PHACTR2: variants seen among roughly 807,000 people sequenced by gnomAD.
The protein encoded by PHACTR2 is phosphatase and actin regulator 2.
A neutral mutation model predicts 76.0 loss-of-function variants in PHACTR2; 30 were observed. The observed-to-expected ratio is 0.39, with a 90% CI of 0.30 to 0.54. The LOEUF is 0.54. Ranked by LOEUF, PHACTR2 falls within the 20% of genes least tolerant of loss-of-function variation. The pLI is 0.61. For missense variants in PHACTR2, 696 were observed against 781.1 expected (o/e 0.89, Z 1.30); for synonymous variants, 292 against 292.5 (o/e 1.00, Z 0.02).
intron 1 of PHACTR2, among the ~76,000 whole-genome samples, chr6:143,540,042 A>T (rs1222408149): frequency 3.9e-5 from 6 of 152,094 alleles, no homozygotes; most frequent in African/African-American, 1.4e-4. Flanking sequence ...ATGTCTTGTG[A>T]TACCGTGATA....
At chr6:143,693,962 A>G (rs1043665770) in intron 1 of PHACTR2, among the ~76,000 whole-genome samples, 4 of 152,124 alleles carry the variant, frequency 2.6e-5, no homozygotes, top group Admixed American at 6.5e-5. Flanking sequence ...CCAGATACCC[A>G]AGAGTCCAAG....
intron 4 of PHACTR2, among the ~76,000 whole-genome samples, chr6:143,756,290 T>A (rs1286975729): frequency 6.6e-6 from 1 of 152,122 alleles, no homozygotes; most frequent in African/African-American, 2.4e-5. Flanking sequence ...GATTCTGCAG[T>A]TGGTACAGTG....
At position 143,755,470 on chromosome 6, in the gene PHACTR2, A is replaced by G; in HGVS notation, c.454+1558A>G. 1 of 402,582 alleles carries G rather than the reference A, an allele frequency of 2.5e-6. No individual in the cohort carries two copies. The highest frequency in any genetic ancestry group is 4.9e-6 in the Non-Finnish European group (1 of 202,100). The allele number at this position is 402,582 out of a possible 1,614,324, so 24.9% of individuals were successfully genotyped here. A position where few individuals can be genotyped will look rare whatever the true frequency, so the allele number is the denominator to read the frequency against. On this transcript the variant is annotated intron_variant, in intron 4 of 12. Coordinates refer to ENST00000440869, the MANE Select transcript of PHACTR2 (RefSeq NM_001100164.2). This position sits in a 1 kb window ranked among gnomAD's most constrained non-coding sequence, Gnocchi z 5.2. The stretch of plus-strand genomic sequence containing the variant: ...AAGGAAGTGTTTCCCTTATCAACAT[A>G]ATAAAAAGTTCCTGACAGTTTTATA...
rs9403511 is a variant in PHACTR2 at position 143,571,634 on chromosome 6, T to C, written c.217+34427T>C. 4.6e-5 allele frequency among the ~76,000 whole-genome samples: 7 copies of C among 151,942 alleles called. No homozygotes were observed. Among genetic ancestry groups the C allele is most frequent in the African/African-American group, 1.4e-4 (6 of 41,396 alleles). On this transcript the variant is annotated intron_variant, in intron 1 of 11. Transcript: ENST00000367584. The surrounding 1 kb of genome is among the most constrained non-coding windows in gnomAD (Gnocchi z 4.6). ...TTGCTATGTTTCCCAGGCCGGTCAA[T>C]CATCACTCATTTTGTTGCCCACATT...
intron 11 of PHACTR2, among the ~76,000 whole-genome samples, chr6:143,798,582 T>TAATTTATTGGG (rs1355300997): frequency 1.3e-5 from 2 of 151,540 alleles, no homozygotes; most frequent in African/African-American, 4.8e-5. Context: ...CATCGATACC[T>TAATTTATTGGG]AGTTTAGCAT....
rs1480587240 is a variant in PHACTR2, at chr6:143,826,581, T to A, written c.*2892T>A. On this transcript the variant is annotated 3_prime_UTR_variant, in exon 13 of 13. Transcript: ENST00000440869. ...AGATGTAGAAACCAAAGTGACCATT[T>A]TAGTTTTTTTATTGGAGAATAAAAC... 7.7e-6 allele frequency: 1 copy of A among 130,140 alleles called. No homozygotes were observed. The highest frequency in any genetic ancestry group is 3.4e-5 in the African/African-American group (1 of 29,530). The allele number at this position is 130,140 out of a possible 1,614,324, so 8.1% of individuals were successfully genotyped here.
chr6:143,741,257 A>T (rs935200629), intron 2 of PHACTR2, among the ~76,000 whole-genome samples: 16 of 151,516 alleles, frequency 1.1e-4, no homozygotes, highest in African/African-American at 3.9e-4. Context: ...CACGCCTTTA[A>T]TCCCAGCTAC....
rs1201545133 is a variant in PHACTR2 at position 143,765,930 on chromosome 6, A to G, written c.1232+132A>G. 1.3e-6 allele frequency: 1 copy of G among 747,402 alleles called. No homozygotes were observed. The highest frequency in any genetic ancestry group is 2.1e-6 in the Non-Finnish European group (1 of 469,282). 46.3% of individuals were successfully genotyped at this position (747,402 alleles called of 1,614,324 possible). ...TGAGTGTTAGGTAGGCATACATGTG[A>G]TCCAACCATTGCTTTGTCAGAGCCC... is the stretch of plus-strand genomic sequence containing the variant. On this transcript the variant is annotated intron_variant, in intron 6 of 12. Transcript: ENST00000440869. The surrounding 1 kb of genome is among the most constrained non-coding windows in gnomAD (Gnocchi z 4.1).
intron 1 of PHACTR2, among the ~76,000 whole-genome samples, chr6:143,685,176 A>G (rs1777486477): frequency 6.6e-6 from 1 of 151,964 alleles, no homozygotes; most frequent in African/African-American, 2.4e-5. Flanking sequence ...TTCCTCTGCT[A>G]TTTTTCTCAT....
rs1470990107 is a variant in PHACTR2, at chr6:143,688,760, A to G, written c.46+10551A>G. 8.5e-5 allele frequency among the ~76,000 whole-genome samples: 13 copies of G among 152,198 alleles called. No individual in the cohort carries two copies. The highest frequency in any genetic ancestry group is 7.9e-4 in the Admixed American group (12 of 15,280). On this transcript the variant is annotated intron_variant, in intron 1 of 12. Coordinates refer to ENST00000440869, the MANE Select transcript of PHACTR2 (RefSeq NM_001100164.2). This position sits in a 1 kb window ranked among gnomAD's most constrained non-coding sequence, Gnocchi z 5.2. ...TCCAAGCTCTGGGGCCATCCATTAC[A>G]TGGACAACTGCAGTAGATTCCAGCT...
rs1365935239 is a variant in PHACTR2, at chr6:143,742,885, AC to A, written c.215-6099del. Among the ~76,000 whole-genome samples the A allele has an allele frequency of 1.3e-5, 2 of 152,240 alleles. No homozygotes were observed. The highest frequency in any genetic ancestry group is 4.8e-5 in the African/African-American group (2 of 41,464). The stretch of plus-strand genomic sequence containing the variant: ...ATACACATGAATTTAGTAATGAACA[AC>A]TTAGTAAGTGCTATAACAGAAATAA... On this transcript the variant is annotated intron_variant, in intron 2 of 12. Coordinates refer to ENST00000440869, the MANE Select transcript of PHACTR2 (RefSeq NM_001100164.2). This position sits in a 1 kb window ranked among gnomAD's most constrained non-coding sequence, Gnocchi z 4.5.
Position 143,755,356 on chromosome 6 carries a change from T to A in PHACTR2, c.454+1444T>A, listed in dbSNP as rs1779275270. 2.2e-6 allele frequency: 1 copy of A among 455,952 alleles called. No individual in the cohort carries two copies. The highest frequency in any genetic ancestry group is 2.0e-5 in the African/African-American group (1 of 50,074). The allele number at this position is 455,952 out of a possible 1,614,324, so 28.2% of individuals were successfully genotyped here. On this transcript the variant is annotated intron_variant, in intron 4 of 12. Coordinates refer to ENST00000440869, the MANE Select transcript of PHACTR2 (RefSeq NM_001100164.2). The surrounding 1 kb of genome is among the most constrained non-coding windows in gnomAD (Gnocchi z 5.2). Reference sequence around the variant, plus strand: ...GTTTGTCCCTGGCAGCCTTCTCACATCCAAGAATCGCATCCTGCATTACGT... The same window carrying A: ...GTTTGTCCCTGGCAGCCTTCTCACAACCAAGAATCGCATCCTGCATTACGT...
intron 1 of PHACTR2, among the ~76,000 whole-genome samples, chr6:143,569,065 C>T (rs947585930): frequency 2.0e-5 from 3 of 152,198 alleles, no homozygotes; most frequent in Non-Finnish European, 4.4e-5. Flanking sequence ...GTCTCTTAAT[C>T]TTCCCAACCC....
In PHACTR2 at chr6:143,647,111, A is replaced by G. The variant is rs1474447956; in HGVS notation, c.13+38789A>G. 6.6e-6 allele frequency among the ~76,000 whole-genome samples: 1 copy of G among 152,204 alleles called. No individual in the cohort carries two copies. Among genetic ancestry groups the G allele is most frequent in the African/African-American group, 2.4e-5 (1 of 41,458 alleles). The stretch of plus-strand genomic sequence containing the variant: ...CTAGATCTCCATTAAGATATAAAAC[A>G]TTTTATGGTGCCGGGTTGCTGTTGA... On this transcript the variant is annotated intron_variant, in intron 1 of 11. Coordinates refer to the PHACTR2 transcript ENST00000305766. The surrounding 1 kb of genome is among the most constrained non-coding windows in gnomAD (Gnocchi z 4.2).
At chr6:143,768,030 G>A (rs1268018879) in intron 6 of PHACTR2, among the ~76,000 whole-genome samples, 4 of 151,262 alleles carry the variant, frequency 2.6e-5, no homozygotes, top group African/African-American at 9.7e-5. Flanking sequence ...TAGAGATGGG[G>A]TTTCACCATA....
Position 143,608,592 on chromosome 6 carries a change from T to C in PHACTR2, c.13+270T>C, listed in dbSNP as rs6899521. On this transcript the variant is annotated intron_variant, in intron 1 of 11. Coordinates refer to the PHACTR2 transcript ENST00000305766. This position sits in a 1 kb window ranked among gnomAD's most constrained non-coding sequence, Gnocchi z 4.6. ...GGCTGAAGCAAGTGTGGTGTTTGAT[T>C]CTTTTGTGCTCAGAGCGATGGGTGG... 0.096 allele frequency among the ~76,000 whole-genome samples: 14,596 copies of C among 152,210 alleles called. 2,119 individuals carry two copies. The highest frequency in any genetic ancestry group is 0.31 in the African/African-American group (12,831 of 41,448).
intron 1 of PHACTR2, among the ~76,000 whole-genome samples, chr6:143,660,653 G>A (rs1181923185): frequency 1.8e-4 from 27 of 152,172 alleles, no homozygotes; most frequent in Admixed American, 1.8e-3. Flanking sequence ...TGGTGTTTCA[G>A]TAGTAAATGA....
intron 1 of PHACTR2, among the ~76,000 whole-genome samples, chr6:143,650,541 A>G (rs1001034694): frequency 6.6e-6 from 1 of 152,202 alleles, no homozygotes; most frequent in African/African-American, 2.4e-5. Flanking sequence ...ACCTATAATC[A>G]TCTGATCTTC....
chr6:143,700,064 G>A lies in PHACTR2; in HGVS notation c.47-11952G>A, dbSNP rs1453212329. 1.3e-5 allele frequency among the ~76,000 whole-genome samples: 2 copies of A among 152,152 alleles called. No individual in the cohort carries two copies. Among genetic ancestry groups the A allele is most frequent in the African/African-American group, 4.8e-5 (2 of 41,440 alleles). On this transcript the variant is annotated intron_variant, in intron 1 of 12. Transcript: ENST00000440869. This position sits in a 1 kb window ranked among gnomAD's most constrained non-coding sequence, Gnocchi z 4.1. ...CTTGGGGACCCTGTATGACTGCCAG[G>A]AGGCTCTTGGACATAGAGAGAACGT...
Sources: allele counts gnomAD v4.1 joint callset (sites outside exome capture counted in the v4.1 genomes callset), GRCh38; gene constraint gnomAD v4.1.1; non-coding constraint Gnocchi (gnomAD v3.1); transcripts MANE v1.5; gene names NCBI Gene and HGNC (gene_info 2026-07-23, HGNC 2026-07-21).